Variants in UBE2K observed in about 807,000 individuals in gnomAD.
The protein encoded by UBE2K is ubiquitin conjugating enzyme E2 K, also known as ubiquitin-conjugating enzyme E2 K.
A neutral mutation model predicts 30.0 loss-of-function variants in UBE2K; 6 were observed. The ratio of observed to expected loss-of-function variants is 0.20; its 90% CI spans 0.11 to 0.39. The LOEUF (loss-of-function observed/expected upper bound fraction) is 0.39, where lower values mean the gene tolerates loss of function less well. UBE2K is among the 10% of genes least tolerant of loss of function. UBE2K has a pLI of 1.00. For missense variants in UBE2K, 61 were observed against 241.6 expected (o/e 0.25, Z 4.96); for synonymous variants, 86 against 83.7 (o/e 1.03, Z -0.15).
intron 2 of UBE2K, among the ~76,000 whole-genome samples, chr4:39,739,854 C>A (rs1156250368): frequency 6.6e-6 from 1 of 152,218 alleles, no homozygotes; most frequent in Non-Finnish European, 1.5e-5. Context: ...GTCCCAAAGT[C>A]TTGGGATTCT....
At chr4:39,730,453 T>G (rs1287546923) in intron 1 of UBE2K, among the ~76,000 whole-genome samples, 1 of 152,104 alleles carries the variant, frequency 6.6e-6, no homozygotes, top group Non-Finnish European at 1.5e-5. Flanking sequence ...CACAAAGTGT[T>G]GGGATTACAG....
chr4:39,728,739 C>T (rs1002006049), intron 1 of UBE2K, among the ~76,000 whole-genome samples: 3 of 151,720 alleles, frequency 2.0e-5, no homozygotes, highest in Admixed American at 6.6e-5. Context: ...CCTGGGTTCA[C>T]GCCATTCTCC....
At chr4:39,740,658 C>G (rs1474350203) in intron 2 of UBE2K, among the ~76,000 whole-genome samples, 1 of 150,500 alleles carries the variant, frequency 6.6e-6, no homozygotes, top group South Asian at 2.1e-4. Flanking sequence ...GTCAGGAGAT[C>G]GAGACCGTCC....
chr4:39,710,367 C>T (rs1718601843), intron 1 of UBE2K, among the ~76,000 whole-genome samples: 1 of 152,034 alleles, frequency 6.6e-6, no homozygotes, highest in Admixed American at 6.6e-5. Flanking sequence ...TAACCTTGAA[C>T]TCCTGGGCTC....
At chr4:39,732,613 A>G (rs1720133753) in intron 1 of UBE2K, among the ~76,000 whole-genome samples, 1 of 149,214 alleles carries the variant, frequency 6.7e-6, no homozygotes, top group Non-Finnish European at 1.5e-5. Context: ...TGCATGCTTC[A>G]TGTATATCTT....
At chr4:39,771,962 T>C (rs1332572150) in intron 4 of UBE2K, among the ~76,000 whole-genome samples, 1 of 152,132 alleles carries the variant, frequency 6.6e-6, no homozygotes, top group Non-Finnish European at 1.5e-5. Flanking sequence ...CCTCAGCCCC[T>C]CAAGTAACTG....
At chr4:39,769,213 G>GTTTTTTTTTTTTTTTCCTTTTTTTTTT (rs1712569154) in intron 4 of UBE2K, among the ~76,000 whole-genome samples, 1 of 128,690 alleles carries the variant, frequency 7.8e-6, no homozygotes, top group African/African-American at 2.9e-5. Context: ...GTTTCTTTTT[G>GTTTTTTTTTTTTTTTCCTTTTTTTTTT]TTTTTTTTTT....
At chr4:39,727,812 A>G (rs1719838277) in intron 1 of UBE2K, among the ~76,000 whole-genome samples, 1 of 152,110 alleles carries the variant, frequency 6.6e-6, no homozygotes. Context: ...TCTTACTGGC[A>G]TACATTGAGA....
intron 3 of UBE2K, among the ~76,000 whole-genome samples, chr4:39,747,570 A>G (rs1292116914): frequency 6.6e-6 from 1 of 152,058 alleles, no homozygotes; most frequent in Non-Finnish European, 1.5e-5. Flanking sequence ...TATAGACCAT[A>G]TTTTGTTTTC....
intron 1 of UBE2K, among the ~76,000 whole-genome samples, chr4:39,703,823 C>T (rs112465372): frequency 0.17 from 22,108 of 129,326 alleles, 2,241 homozygotes; most frequent in Middle Eastern, 0.29. Flanking sequence ...TGCAGCCTGG[C>T]GACAGAGCGA....
chr4:39,763,345 G>A (rs936322738), intron 4 of UBE2K, among the ~76,000 whole-genome samples: 4 of 151,464 alleles, frequency 2.6e-5, no homozygotes, highest in Admixed American at 6.6e-5. Flanking sequence ...TCCACCTCCC[G>A]GGTGCAAGTG....
chr4:39,770,031 T>TC, intron 4 of UBE2K: 2 of 1,455,284 alleles, frequency 1.4e-6, no homozygotes, highest in Non-Finnish European at 1.8e-6. Flanking sequence ...AAGAGCCCTT[T>TC]CCCCACCTAG....
At chr4:39,770,513 G>GCTGCCCC in intron 4 of UBE2K, 3 of 1,607,100 alleles carry the variant, frequency 1.9e-6, no homozygotes, top group Non-Finnish European at 2.5e-6. Context: ...GGGGTCCCTG[G>GCTGCCCC]CTGCCCCCCG....
chr4:39,768,934 T>C (rs1204883679), intron 4 of UBE2K, among the ~76,000 whole-genome samples: 4 of 152,156 alleles, frequency 2.6e-5, no homozygotes, highest in Admixed American at 2.6e-4. Flanking sequence ...CTCAGCTCAC[T>C]GCAACCTCAG....
At chr4:39,772,789 G>T (rs2109408974) in intron 4 of UBE2K, among the ~76,000 whole-genome samples, 1 of 151,534 alleles carries the variant, frequency 6.6e-6, no homozygotes. Flanking sequence ...CCGAGCTCAA[G>T]CGATTCTCCT....
At chr4:39,745,693 T>G in intron 2 of UBE2K, 59 bp from the exon 3 acceptor site, 1 of 1,146,734 alleles carries the variant, frequency 8.7e-7, no homozygotes, top group Non-Finnish European at 1.3e-6. Flanking sequence ...CATCAGTATA[T>G]TTGTCTTATA....
intron 1 of UBE2K, among the ~76,000 whole-genome samples, chr4:39,734,528 T>C (rs1457905787): frequency 6.6e-6 from 1 of 152,128 alleles, no homozygotes; most frequent in Non-Finnish European, 1.5e-5. Context: ...CTGGATGCGG[T>C]ACCTCACACC....
chr4:39,717,593 T>C (rs1200162625), intron 1 of UBE2K, among the ~76,000 whole-genome samples: 1 of 152,208 alleles, frequency 6.6e-6, no homozygotes, highest in African/African-American at 2.4e-5. Context: ...AAAAATACAA[T>C]GTTACATCAT....
chr4:39,767,409 T>C (rs1448391807), intron 4 of UBE2K, among the ~76,000 whole-genome samples: 1 of 151,978 alleles, frequency 6.6e-6, no homozygotes, highest in South Asian at 2.1e-4. Context: ...TTTCAAGCTC[T>C]GCCTCCCGGA....
Sources: gnomAD v4.1 joint callset for allele counts (sites outside exome capture counted in the v4.1 genomes callset) on GRCh38, gnomAD v4.1.1 for gene constraint, MANE v1.5 for transcripts, NCBI Gene and HGNC (gene_info 2026-07-23, HGNC 2026-07-21) for gene names.